Variants in CELSR1 observed in about 807,000 individuals in gnomAD.
CELSR1 encodes the protein adhesion G protein-coupled receptor C1.
In CELSR1, 110 loss-of-function variants were observed where a neutral mutation model predicts 249.1. That is an observed-to-expected ratio of 0.44 (90% CI 0.38 to 0.52). The LOEUF is 0.52. Among genes scored for constraint, CELSR1 ranks in the 20% least tolerant of loss-of-function variants. The pLI is 0.00. For missense variants in CELSR1, 4,109 were observed against 4,296.4 expected, an observed-to-expected ratio of 0.96 and a Z score of 1.22; for synonymous variants, 2,113 against 1,900.0, an observed-to-expected ratio of 1.11 and a Z score of -2.92.
At position 46,380,893 on chromosome 22, in the gene CELSR1, G is replaced by A. The variant is rs1182004072; in HGVS notation, c.7151C>T (p.Ala2384Val). The A allele has an allele frequency of 1.2e-6, 2 of 1,613,402 alleles. No individual in the cohort carries two copies. The highest frequency in any genetic ancestry group is 2.2e-5 in the South Asian group (2 of 91,068). The change falls in exon 22 of 35, where the codon GCT becomes GTT. Residue 2384 changes from alanine to valine, a missense_variant. Physicochemically the swap from Ala to Val is moderately conservative, Grantham distance 64. Coordinates refer to ENST00000674500, the MANE Select transcript of CELSR1 (RefSeq NM_001378328.1). The surrounding 1 kb of genome is among the most constrained non-coding windows in gnomAD (Gnocchi z 5.1). ...MVSTLVYSEGAPLPRPLERPV... is the reference protein window; with the variant it reads ...MVSTLVYSEGVPLPRPLERPV... ...CCTCTCCAGGGGTCTCGGGAGCGGA[G>A]CCCCCTCGCTGTACACCAGCGTGCT...
intron 2 of CELSR1, among the ~76,000 whole-genome samples, chr22:46,450,724 G>A (rs922838090): frequency 3.2e-4 from 48 of 152,266 alleles, no homozygotes; most frequent in African/African-American, 1.1e-3. Flanking sequence ...ACCAGGAGGC[G>A]AGATTGCAGG....
At chr22:46,533,540 G>A (rs772013438) in intron 1 of CELSR1, 87 bp downstream of exon 1, 116 of 1,488,402 alleles carry the variant, frequency 7.8e-5, no homozygotes, top group Non-Finnish European at 9.9e-5. Context: ...TTGCGCCCCG[G>A]CATGCCAGGC....
intron 5 of CELSR1, among the ~76,000 whole-genome samples, chr22:46,416,026 G>A (rs373763953): frequency 2.6e-4 from 40 of 151,146 alleles, no homozygotes; most frequent in Admixed American, 1.6e-3. Flanking sequence ...TGGCGTGTCC[G>A]CCTCTGAGTT....
At position 46,378,654 on chromosome 22, in the gene CELSR1, A is replaced by C. The variant is rs2078945168; in HGVS notation, c.7320T>G (p.His2440Gln). Residue 2440 changes from histidine (H) to glutamine (Q), a missense_variant, in exon 23 of 35, where the codon CAT (histidine) becomes CAG (glutamine). Around this residue, in one of 7 missense-constraint regions of CELSR1, gnomAD observed 1,805 missense variants for 1,831.6 expected, o/e 0.99. Coordinates refer to ENST00000674500, the MANE Select transcript of CELSR1 (RefSeq NM_001378328.1). ...CTGTGTGGCTGCACTGGCAGGCGAC[A>C]TGTGTCCGGTTCCTGGACAGGAGCT... ...GCELLSRNRT[H>Q]VACQCSHTAS... 6.2e-7 allele frequency: 1 copy of C among 1,609,356 alleles called. No individual in the cohort carries two copies.
chr22:46,420,808 G>A (rs1434529905), intron 5 of CELSR1, among the ~76,000 whole-genome samples: 1 of 152,144 alleles, frequency 6.6e-6, no homozygotes, highest in African/African-American at 2.4e-5. Flanking sequence ...CTCCTGGCCT[G>A]CATCCCACTA....
intron 18 of CELSR1, 148 bp from the exon 19 acceptor site, chr22:46,386,733 T>C: frequency 1.7e-6 from 1 of 597,618 alleles, no homozygotes; most frequent in Non-Finnish European, 2.7e-6. Flanking sequence ...TTAATATTAG[T>C]TGTTTTTTGT....
chr22:46,382,017 G>A lies in CELSR1; in HGVS notation c.6917C>T (p.Thr2306Ile), dbSNP rs953049491. 34 of 1,556,912 alleles carry A rather than the reference G, an allele frequency of 2.2e-5. No homozygotes were observed. Among genetic ancestry groups the A allele is most frequent in the African/African-American group, 1.4e-5 (1 of 73,408 alleles). The change falls in exon 21 of 35, where the codon ACC (threonine) becomes ATC (isoleucine). Residue 2306 changes from threonine (T) to isoleucine (I), a missense_variant. This residue lies in a region of CELSR1 where 1,805 missense variants were observed against 1,831.6 expected (regional missense o/e 0.99). Transcript: ENST00000674500. ...CCCCGGGCGCGTGGTCTGCGGGGTG[G>A]TCCTCCGGCCAGCCGGCCTCAGCAG... ...GPLLRPAGRR[T>I]TPQTTRPGPG... is the part of the protein sequence containing the mutation.
chr22:46,404,389 G>A (rs1192111412), intron 9 of CELSR1, among the ~76,000 whole-genome samples: 1 of 151,614 alleles, frequency 6.6e-6, no homozygotes, highest in Non-Finnish European at 1.5e-5. Flanking sequence ...TCCAACCTGG[G>A]AGACAGAGTG....
At chr22:46,533,538 C>A in intron 1 of CELSR1, 89 bp downstream of exon 1, 1 of 1,487,196 alleles carries the variant, frequency 6.7e-7, no homozygotes. Context: ...AATTGCGCCC[C>A]GGCATGCCAG....
Position 46,536,663 on chromosome 22 carries a change from G to C in CELSR1, c.508C>G (p.Pro170Ala). ...PRPRPRCPGR[P>A]ICLPPGGSVR... ...GAGCCGCCCGGCGGCAGGCAGATGGGACGGCCGGGACAGCGGGGCCTGGGG... is the reference window on the plus strand; with the variant it reads ...GAGCCGCCCGGCGGCAGGCAGATGGCACGGCCGGGACAGCGGGGCCTGGGG... The change falls in exon 1 of 35, where the codon CCC becomes GCC. Residue 170 changes from proline to alanine, a missense_variant. Pro to Ala is a conservative substitution (Grantham distance 27). This residue lies in a region of CELSR1 where 673 missense variants were observed against 636.8 expected (regional missense o/e 1.06). Coordinates refer to ENST00000674500, the MANE Select transcript of CELSR1 (RefSeq NM_001378328.1). 5 of 1,168,548 alleles carry C rather than the reference G, an allele frequency of 4.3e-6. No homozygotes were observed. In the East Asian group the frequency reaches 1.6e-4, roughly 38 times the overall value. The allele number at this position is 1,168,548 out of a possible 1,614,324, so 72.4% of individuals were successfully genotyped here. A position where few individuals can be genotyped will look rare whatever the true frequency, so the allele number is the denominator to read the frequency against.
At chr22:46,373,504 C>T (rs986958367) in intron 24 of CELSR1, among the ~76,000 whole-genome samples, 1 of 149,950 alleles carries the variant, frequency 6.7e-6, no homozygotes, top group South Asian at 2.1e-4. Flanking sequence ...GGCAGCTTCA[C>T]GCCCAGCGCT....
At chr22:46,419,764 GCACA>G (rs768954535) in intron 5 of CELSR1, among the ~76,000 whole-genome samples, 1 of 144,074 alleles carries the variant, frequency 6.9e-6, no homozygotes, top group Admixed American at 6.9e-5. Context: ...ACCCACACGT[GCACA>G]CTCACCACTC....
In CELSR1 at chr22:46,363,620, C is replaced by T. The variant is rs1039691051; in HGVS notation, c.9036-373G>A. Reference sequence around the variant, plus strand: ...GGGCCAGGACCCCAGCTCCACCCCGCCCCCTTCACCCCTGGCATTCCGGGA... The same window carrying T: ...GGGCCAGGACCCCAGCTCCACCCCGTCCCCTTCACCCCTGGCATTCCGGGA... On this transcript the variant is annotated intron_variant, in intron 34 of 34. Transcript: ENST00000674500. This position sits in a 1 kb window ranked among gnomAD's most constrained non-coding sequence, Gnocchi z 4.3. 1 of 359,896 alleles carries T rather than the reference C, an allele frequency of 2.8e-6. No homozygotes were observed. Among genetic ancestry groups the T allele is most frequent in the African/African-American group, 2.1e-5 (1 of 48,314 alleles). The allele number at this position is 359,896 out of a possible 1,614,324, so 22.3% of individuals were successfully genotyped here.
rs547360437 is a variant in CELSR1, at chr22:46,406,933, G to T, written c.5226+2063C>A. ...AGGCAATAAGGCATGGCTCCGCCAC[G>T]GCACACAGCTGATGGCGGAGGACAC... On this transcript the variant is annotated intron_variant, in intron 9 of 34. Transcript: ENST00000674500. This position sits in a 1 kb window ranked among gnomAD's most constrained non-coding sequence, Gnocchi z 5.4. Among the ~76,000 whole-genome samples the T allele has an allele frequency of 6.6e-6, 1 of 152,226 alleles. No homozygotes were observed. The highest frequency in any genetic ancestry group is 2.1e-4 in the South Asian group (1 of 4,838).
At chr22:46,422,231 G>A (rs574511193) in intron 5 of CELSR1, among the ~76,000 whole-genome samples, 5 of 151,838 alleles carry the variant, frequency 3.3e-5, no homozygotes, top group African/African-American at 4.8e-5. Context: ...TCAGCCTCCC[G>A]AGTAGCTGAG....
At chr22:46,451,659 C>T (rs1033880800) in intron 2 of CELSR1, among the ~76,000 whole-genome samples, 8 of 152,170 alleles carry the variant, frequency 5.3e-5, no homozygotes, top group Admixed American at 5.2e-4. Flanking sequence ...TCCCTACAAC[C>T]TCCTTCTCCA....
chr22:46,489,169 G>T (rs1342097113), intron 1 of CELSR1, among the ~76,000 whole-genome samples: 1 of 151,826 alleles, frequency 6.6e-6, no homozygotes, highest in Non-Finnish European at 1.5e-5. Flanking sequence ...ATGGCGAAGT[G>T]CCCTTCCTCT....
rs1569158766 is a variant in CELSR1, at chr22:46,433,027, TTTCC to T, written c.4611+362_4611+365del. Among the ~76,000 whole-genome samples the T allele has an allele frequency of 6.6e-6, 1 of 151,996 alleles. No individual in the cohort carries two copies. Among genetic ancestry groups the T allele is most frequent in the Non-Finnish European group, 1.5e-5 (1 of 67,998 alleles). On this transcript the variant is annotated intron_variant, in intron 5 of 34. Coordinates refer to ENST00000674500, the MANE Select transcript of CELSR1 (RefSeq NM_001378328.1). This position sits in a 1 kb window ranked among gnomAD's most constrained non-coding sequence, Gnocchi z 5.7. ...ACAGAAAATCTACCAGGGCACCTTTTTTCCTTCCTTTTTTTTTTAGATGGAATTT... is the reference window on the plus strand; with the variant it reads ...ACAGAAAATCTACCAGGGCACCTTTTTTCCTTTTTTTTTTAGATGGAATTT...
At position 46,471,289 on chromosome 22, in the gene CELSR1, A is replaced by C. The variant is rs2080152883; in HGVS notation, c.3545-6944T>G. On this transcript the variant is annotated intron_variant, in intron 1 of 34. Transcript: ENST00000674500. This position sits in a 1 kb window ranked among gnomAD's most constrained non-coding sequence, Gnocchi z 4.9. ...TTTTTATAAAACTTAATTTTGAAAC[A>C]GTTTTAGATTTACAAAAAAATTACT... 6.6e-6 allele frequency among the ~76,000 whole-genome samples: 1 copy of C among 152,158 alleles called. No individual in the cohort carries two copies. Among genetic ancestry groups the C allele is most frequent in the African/African-American group, 2.4e-5 (1 of 41,430 alleles).
Sources: allele counts gnomAD v4.1 joint callset (sites outside exome capture counted in the v4.1 genomes callset), GRCh38; gene constraint gnomAD v4.1.1; regional missense constraint gnomAD v4.1.1; non-coding constraint Gnocchi (gnomAD v3.1); transcripts MANE v1.5; gene names NCBI Gene and HGNC (gene_info 2026-07-23, HGNC 2026-07-21).